The following SIN3A variants were observed in gnomAD, a reference collection of about 807,000 sequenced individuals.
SIN3A encodes the protein SIN3 transcription regulator family member A.
In SIN3A, 14 loss-of-function variants were observed where a neutral mutation model predicts 146.1. The ratio of observed to expected loss-of-function variants is 0.10; its 90% CI spans 0.06 to 0.15. SIN3A has a LOEUF of 0.15. SIN3A is among the 10% of genes least tolerant of loss of function. The pLI is 1.00. For missense variants in SIN3A, 1,028 were observed against 1,576.0 expected (o/e 0.65, Z 5.89); for synonymous variants, 572 against 572.0 (o/e 1.00, Z 0.00).
In SIN3A at chr15:75,451,535, C is replaced by T. The variant is rs1376182867; in HGVS notation, c.-146G>A. On this transcript the variant is annotated 5_prime_UTR_variant, in exon 1 of 21. Transcript: ENST00000394947. ...GCACAGGCCCGCCGAAGCGGACTGC[C>T]AGCTACCTCTCCACTAACGAAGCGG... 6.8e-6 allele frequency: 1 copy of T among 147,184 alleles called. No individual in the cohort carries two copies. Among genetic ancestry groups the T allele is most frequent in the Non-Finnish European group, 1.5e-5 (1 of 67,028 alleles). 9.1% of individuals were successfully genotyped at this position (147,184 alleles called of 1,614,324 possible).
intron 12 of SIN3A, among the ~76,000 whole-genome samples, chr15:75,397,503 G>A (rs983552164): frequency 6.6e-6 from 1 of 152,108 alleles, no homozygotes; most frequent in Non-Finnish European, 1.5e-5. Flanking sequence ...ATTCATAATG[G>A]CAGCAATCCC....
chr15:75,416,770 ACCC>A (rs766165667), intron 3 of SIN3A, among the ~76,000 whole-genome samples: 24 of 152,050 alleles, frequency 1.6e-4, no homozygotes, highest in Non-Finnish European at 2.5e-4. Flanking sequence ...TTGGGACCTA[ACCC>A]CCAATAACTG....
chr15:75,391,515 A>AG (rs1029402484), intron 15 of SIN3A, among the ~76,000 whole-genome samples: 7 of 152,024 alleles, frequency 4.6e-5, no homozygotes, highest in East Asian at 1.9e-4. Flanking sequence ...AAAAAAAAAA[A>AG]AAGAAGAAGA....
At chr15:75,395,808 G>A (rs2073290906) in intron 13 of SIN3A, among the ~76,000 whole-genome samples, 1 of 152,170 alleles carries the variant, frequency 6.6e-6, no homozygotes, top group South Asian at 2.1e-4. Flanking sequence ...GGGAGGCTGA[G>A]GTGGGAGGAT....
At position 75,434,128 on chromosome 15, in the gene SIN3A, G is replaced by A. The variant is rs187029279; in HGVS notation, c.-33-3720C>T. ...TCACAGAAGAGAAGAAGTGAAGGAA[G>A]AATCCCTTTACTTATTTAAGGCACA... On this transcript the variant is annotated intron_variant, in intron 1 of 20. Transcript: ENST00000394947. Among the ~76,000 whole-genome samples, 759 of 152,300 alleles carry A rather than the reference G, an allele frequency of 5.0e-3. 6 individuals carry two copies. The highest frequency in any genetic ancestry group is 5.6e-3 in the Non-Finnish European group (381 of 68,022).
Position 75,369,452 on chromosome 15 carries a change from C to CT in SIN3A, c.*2526dup, listed in dbSNP as rs1170223919. On this transcript the variant is annotated 3_prime_UTR_variant, in exon 21 of 21. Coordinates refer to ENST00000394947, the MANE Select transcript of SIN3A (RefSeq NM_001145358.2). ...AAATGCAGATCACACGGAAAGGTGA[C>CT]TAAGTACAGAATAACAAATGTGATT... 11 of 152,302 alleles carry CT rather than the reference C, an allele frequency of 7.2e-5. No homozygotes were observed. The highest frequency in any genetic ancestry group is 2.6e-4 in the Admixed American group (4 of 15,292). The allele number at this position is 152,302 out of a possible 1,614,324, so 9.4% of individuals were successfully genotyped here. A position where few individuals can be genotyped will look rare whatever the true frequency, so the allele number is the denominator to read the frequency against.
At chr15:75,446,741 T>C (rs1170017627) in intron 1 of SIN3A, among the ~76,000 whole-genome samples, 2 of 152,040 alleles carry the variant, frequency 1.3e-5, no homozygotes, top group Non-Finnish European at 2.9e-5. Context: ...ATCCTCCCAC[T>C]TGAGCTCCCA....
At chr15:75,381,965 CA>C (rs1267976065) in intron 17 of SIN3A, among the ~76,000 whole-genome samples, 1 of 152,112 alleles carries the variant, frequency 6.6e-6, no homozygotes, top group African/African-American at 2.4e-5. Flanking sequence ...TAATCAATGT[CA>C]GTAAGAATGT....
At chr15:75,404,684 C>T (rs1018711076) in intron 9 of SIN3A, among the ~76,000 whole-genome samples, 11 of 151,338 alleles carry the variant, frequency 7.3e-5, no homozygotes, top group South Asian at 4.2e-4. Flanking sequence ...TGCGTGAACC[C>T]GGGAGGTGGA....
chr15:75,425,005 A>G (rs2073901637), intron 2 of SIN3A, among the ~76,000 whole-genome samples: 1 of 152,206 alleles, frequency 6.6e-6, no homozygotes. Flanking sequence ...ACTTTTAAAT[A>G]GTTTTTTAAA....
At chr15:75,380,332 C>G (rs2072940520) in intron 19 of SIN3A, among the ~76,000 whole-genome samples, 1 of 152,200 alleles carries the variant, frequency 6.6e-6, no homozygotes, top group African/African-American at 2.4e-5. Flanking sequence ...ATCAGTCTGA[C>G]TATATGCAGA....
intron 1 of SIN3A, among the ~76,000 whole-genome samples, chr15:75,435,665 T>A (rs1258058545): frequency 7.2e-6 from 1 of 138,354 alleles, no homozygotes; most frequent in African/African-American, 2.8e-5. Context: ...GCCACTGCAC[T>A]CCAGCCTGGG....
At position 75,384,367 on chromosome 15, in the gene SIN3A, C is replaced by G; in HGVS notation, c.3092G>C (p.Gly1031Ala). ...TGTGTTCAGCTGGCCTCCGGTGGCC[C>G]CATTATTATTTTCTGCCAGGTAAAG... The part of the protein sequence containing the change: ...TDLYLAENNN[G>A]ATGGQLNTQN... Residue 1031 changes from glycine to alanine, a missense_variant, in exon 17 of 21, where the codon GGG becomes GCG. Transcript: ENST00000394947. 6.2e-7 allele frequency: 1 copy of G among 1,613,496 alleles called. No homozygotes were observed. Among genetic ancestry groups the G allele is most frequent in the Non-Finnish European group, 8.5e-7 (1 of 1,179,598 alleles).
At chr15:75,407,892 CAAAAAAA>C (rs775913884) in intron 8 of SIN3A, among the ~76,000 whole-genome samples, 2 of 24,640 alleles carry the variant, frequency 8.1e-5, no homozygotes, top group Admixed American at 7.7e-4. Context: ...GACTCCATCT[CAAAAAAA>C]AAAAAAAAAA....
chr15:75,414,693 A>C (rs2073701843), intron 3 of SIN3A, among the ~76,000 whole-genome samples: 1 of 152,242 alleles, frequency 6.6e-6, no homozygotes, highest in Admixed American at 6.5e-5. Context: ...GTTTGTATGT[A>C]GTCAGGAATC....
rs774966826 is a variant in SIN3A, at chr15:75,411,704, T to C, written c.796A>G (p.Thr266Ala). The C allele has an allele frequency of 2.5e-6, 4 of 1,610,770 alleles. No homozygotes were observed. In the Admixed American group the frequency reaches 6.7e-5, roughly 27 times the overall value. Reference sequence around the variant, plus strand: ...GATGCATACGGTGGAAGTGGGGGAGTCTGCTGACTGGCCGGAGTATGTGCT... The same window carrying C: ...GATGCATACGGTGGAAGTGGGGGAGCCTGCTGACTGGCCGGAGTATGTGCT... Reference protein sequence around the residue: ...LQAHTPASQQTPPLPPYASPR... With the variant: ...LQAHTPASQQAPPLPPYASPR... Residue 266 changes from threonine (T) to alanine (A), a missense_variant, in exon 6 of 21, where the codon ACT becomes GCT. Coordinates refer to ENST00000394947, the MANE Select transcript of SIN3A (RefSeq NM_001145358.2).
chr15:75,424,207 C>T (rs757342570), intron 2 of SIN3A, among the ~76,000 whole-genome samples: 2 of 151,850 alleles, frequency 1.3e-5, no homozygotes, highest in African/African-American at 2.4e-5. Flanking sequence ...CCGAGGTGGG[C>T]GGATCACCTG....
intron 12 of SIN3A, among the ~76,000 whole-genome samples, chr15:75,399,255 G>C (rs1309528599): frequency 1.3e-5 from 2 of 151,792 alleles, no homozygotes; most frequent in East Asian, 3.9e-4. Flanking sequence ...TCAGCTGGGC[G>C]CAGTGGCTCA....
chr15:75,418,838 T>C (rs541926643), intron 3 of SIN3A, among the ~76,000 whole-genome samples: 1 of 152,076 alleles, frequency 6.6e-6, no homozygotes, highest in Non-Finnish European at 1.5e-5. Flanking sequence ...CACCGCAAGC[T>C]CTGCCTCCCG....
Sources: gnomAD v4.1 joint callset for allele counts (sites outside exome capture counted in the v4.1 genomes callset) on GRCh38, gnomAD v4.1.1 for gene constraint, MANE v1.5 for transcripts, NCBI Gene and HGNC (gene_info 2026-07-23, HGNC 2026-07-21) for gene names.